Variants in SLC24A5 observed in about 807,000 individuals in gnomAD.
SLC24A5 encodes the protein sodium/potassium/calcium exchanger 5.
Under a neutral mutation model 51.6 loss-of-function variants are expected in SLC24A5, and 46 were observed. The ratio of observed to expected loss-of-function variants is 0.89; its 90% confidence interval spans 0.70 to 1.14. The LOEUF is 1.14. SLC24A5 is among the 50% of genes most tolerant of loss of function. The pLI is 0.00. For missense variants in SLC24A5, 581 were observed against 604.1 expected (o/e 0.96, Z 0.40); for synonymous variants, 230 against 214.9 (o/e 1.07, Z -0.62).
Position 48,121,995 on chromosome 15 carries a change from G to C in SLC24A5, c.260G>C (p.Cys87Ser). The change falls in exon 2 of 9, where the codon TGT becomes TCT. Residue 87 changes from cysteine to serine, a missense_variant. Cys to Ser is a moderately radical substitution (Grantham distance 112). Transcript: ENST00000341459. Reference protein sequence around the residue: ...VYMFMAISIVCDEYFLPSLEI... With the variant: ...VYMFMAISIVSDEYFLPSLEI... The stretch of plus-strand genomic sequence containing the variant: ...ATGTTCATGGCCATATCTATTGTCT[G>C]TGATGAATACTTCCTACCCTCCCTG... 2 of 1,614,186 alleles carry C rather than the reference G, an allele frequency of 1.2e-6. No individual in the cohort carries two copies. Among genetic ancestry groups the C allele is most frequent in the Non-Finnish European group, 1.7e-6 (2 of 1,180,014 alleles).
intron 2 of SLC24A5, among the ~76,000 whole-genome samples, chr15:48,133,126 C>G (rs1439056995): frequency 6.6e-6 from 1 of 151,990 alleles, no homozygotes; most frequent in East Asian, 1.9e-4. Context: ...CCAAGCACAC[C>G]AGAGTTTGAG....
At chr15:48,141,025 T>C (rs2039061962) in intron 7 of SLC24A5, 88 bp from the exon 8 acceptor site, 2 of 1,059,606 alleles carry the variant, frequency 1.9e-6, no homozygotes, top group African/African-American at 3.2e-5. Flanking sequence ...TATTTTATTT[T>C]TGTTCACGAA....
chr15:48,129,779 G>A (rs1438622290), intron 2 of SLC24A5, among the ~76,000 whole-genome samples: 1 of 151,686 alleles, frequency 6.6e-6, no homozygotes, highest in African/African-American at 2.4e-5. Flanking sequence ...GAGTCTTAAA[G>A]CATAGAATTC....
chr15:48,142,566 A>G lies in SLC24A5; in HGVS notation c.*215A>G. On this transcript the variant is annotated 3_prime_UTR_variant, in exon 9 of 9. Transcript: ENST00000341459. ...TAAAACAGAAGTTTGGGGGGAAAAA[A>G]TCTATGTTTTACCATACAATAAGTT... The G allele has an allele frequency of 6.3e-6, 3 of 478,980 alleles. No individual in the cohort carries two copies. Among genetic ancestry groups the G allele is most frequent in the Middle Eastern group, 5.6e-4 (1 of 1,800 alleles). The allele number at this position is 478,980 out of a possible 1,614,324, so 29.7% of individuals were successfully genotyped here. A position where few individuals can be genotyped will look rare whatever the true frequency, so the allele number is the denominator to read the frequency against.
Position 48,134,341 on chromosome 15 carries a change from G to C in SLC24A5, c.385G>C (p.Gly129Arg). ...TCCTGAATTAGTTACTGCTTTCCTA[G>C]GTAAATATTGCTCCTTATACTTCTT... Reference protein sequence around the residue: ...SAPELVTAFLGVFITKGDIGI... With the variant: ...SAPELVTAFLRVFITKGDIGI... Residue 129 changes from glycine to arginine, a missense_variant and splice_region_variant, in exon 3 of 9, where the codon GGT becomes CGT. Gly to Arg is a moderately radical substitution (Grantham distance 125, BLOSUM62 -2). Coordinates refer to ENST00000341459, the MANE Select transcript of SLC24A5 (RefSeq NM_205850.3). 1 of 1,613,418 alleles carries C rather than the reference G, an allele frequency of 6.2e-7. No individual in the cohort carries two copies. The highest frequency in any genetic ancestry group is 1.3e-5 in the African/African-American group (1 of 74,952).
At position 48,142,648 on chromosome 15, in the gene SLC24A5, C is replaced by G. The variant is rs944744094; in HGVS notation, c.*297C>G. Reference sequence around the variant, plus strand: ...TCCAACTATGTAGTACTGAAAACAACAAGAAAATGGCTTATTTCATTAAAA... The same window carrying G: ...TCCAACTATGTAGTACTGAAAACAAGAAGAAAATGGCTTATTTCATTAAAA... On this transcript the variant is annotated 3_prime_UTR_variant, in exon 9 of 9. Transcript: ENST00000341459. The G allele has an allele frequency of 1.6e-5, 7 of 447,758 alleles. No homozygotes were observed. Among genetic ancestry groups the G allele is most frequent in the African/African-American group, 2.0e-5 (1 of 48,878 alleles). 27.7% of individuals were successfully genotyped at this position (447,758 alleles called of 1,614,324 possible).
At chr15:48,132,933 A>G (rs1186777382) in intron 2 of SLC24A5, among the ~76,000 whole-genome samples, 1 of 152,132 alleles carries the variant, frequency 6.6e-6, no homozygotes, top group Non-Finnish European at 1.5e-5. Context: ...AACTACGTGG[A>G]GCAGAAAAAT....
chr15:48,134,590 A>G lies in SLC24A5; in HGVS notation c.489+52A>G, dbSNP rs747607163. 4 of 1,447,122 alleles carry G rather than the reference A, an allele frequency of 2.8e-6. No homozygotes were observed. The South Asian group carries it at 3.5e-5, about 13-fold the overall frequency. The allele number at this position is 1,447,122 out of a possible 1,614,324, so 89.6% of individuals were successfully genotyped here. A position where few individuals can be genotyped will look rare whatever the true frequency, so the allele number is the denominator to read the frequency against. ...TGTATTGTCTTAAAAAATTCTAAAG[A>G]TAACTGTTCGTCGTCTGGGATGGAC... On this transcript the variant is annotated intron_variant, in intron 4 of 8. Coordinates refer to ENST00000341459, the MANE Select transcript of SLC24A5 (RefSeq NM_205850.3).
intron 3 of SLC24A5, 40 bp from the exon 4 acceptor site, chr15:48,134,395 C>A: frequency 6.2e-7 from 1 of 1,607,258 alleles, no homozygotes; most frequent in Non-Finnish European, 8.5e-7. Context: ...TTATTTTCTT[C>A]AAGTTAACAC....
intron 5 of SLC24A5, chr15:48,135,425 T>C (rs1481642081): frequency 6.5e-6 from 1 of 153,506 alleles, no homozygotes; most frequent in Non-Finnish European, 1.5e-5. Context: ...AAACTTCTGA[T>C]GCTCATTCAG....
At chr15:48,127,821 T>G (rs1280591397) in intron 2 of SLC24A5, among the ~76,000 whole-genome samples, 1 of 152,096 alleles carries the variant, frequency 6.6e-6, no homozygotes. Context: ...AGACTCCATC[T>G]CAAAATAAAT....
chr15:48,133,029 A>G (rs555043888), intron 2 of SLC24A5, among the ~76,000 whole-genome samples: 11 of 152,220 alleles, frequency 7.2e-5, no homozygotes, highest in African/African-American at 2.6e-4. Flanking sequence ...CCAGCAGACT[A>G]CAGAACAAGG....
intron 2 of SLC24A5, among the ~76,000 whole-genome samples, chr15:48,131,266 G>C (rs575542906): frequency 6.6e-6 from 1 of 152,150 alleles, no homozygotes; most frequent in Admixed American, 6.5e-5. Flanking sequence ...ACACTGGTTA[G>C]AGTGATTATA....
At position 48,142,493 on chromosome 15, in the gene SLC24A5, C is replaced by T; in HGVS notation, c.*142C>T. On this transcript the variant is annotated 3_prime_UTR_variant, in exon 9 of 9. Transcript: ENST00000341459. ...AGTAATTTAAAACCAACCAAAATCA[C>T]ATCCTAATTTTTCTGAGCCCTTTCT... is the stretch of plus-strand genomic sequence containing the variant. The T allele has an allele frequency of 1.6e-6, 1 of 614,252 alleles. No individual in the cohort carries two copies. The highest frequency in any genetic ancestry group is 2.6e-6 in the Non-Finnish European group (1 of 392,032). The allele number at this position is 614,252 out of a possible 1,614,324, so 38.1% of individuals were successfully genotyped here.
At chr15:48,126,724 C>G (rs1387702165) in intron 2 of SLC24A5, among the ~76,000 whole-genome samples, 3 of 152,116 alleles carry the variant, frequency 2.0e-5, no homozygotes, top group Non-Finnish European at 4.4e-5. Flanking sequence ...GAGACAGAGA[C>G]ACAGTGAGAG....
At chr15:48,135,213 C>G (rs1375330454) in intron 5 of SLC24A5, 2 of 354,332 alleles carry the variant, frequency 5.6e-6, no homozygotes, top group East Asian at 9.4e-5. Context: ...TCACTAGTCA[C>G]TGGAGACCAC....
chr15:48,137,264 C>A (rs1298510032), intron 6 of SLC24A5: 15 of 276,544 alleles, frequency 5.4e-5, no homozygotes, highest in Non-Finnish European at 8.8e-5. Context: ...GAGAAGGGAG[C>A]ATTTAAATTG....
At chr15:48,141,994 T>G (rs1461529397) in intron 8 of SLC24A5, 35 bp from the exon 9 acceptor site, 2 of 1,453,326 alleles carry the variant, frequency 1.4e-6, no homozygotes. Context: ...ACAGTATTGG[T>G]AAGCACATTT....
intron 2 of SLC24A5, among the ~76,000 whole-genome samples, chr15:48,130,431 AATTT>A (rs1454194276): frequency 6.6e-6 from 1 of 152,076 alleles, no homozygotes; most frequent in African/African-American, 2.4e-5. Context: ...TTCCTTTCAT[AATTT>A]GAGTGCAGTG....
Sources: gnomAD v4.1 joint callset for allele counts (sites outside exome capture counted in the v4.1 genomes callset) on GRCh38, gnomAD v4.1.1 for gene constraint, MANE v1.5 for transcripts, NCBI Gene and HGNC (gene_info 2026-07-23, HGNC 2026-07-21) for gene names.